MANSC1: variants seen among roughly 807,000 people sequenced by gnomAD.
The protein encoded by MANSC1 is MANSC domain-containing protein 1.
MANSC1 carries 13 observed loss-of-function variants against 14.1 expected under a neutral mutation model. The ratio of observed to expected loss-of-function variants is 0.92; its 90% CI spans 0.60 to 1.46. MANSC1 has a LOEUF of 1.46. MANSC1 is among the 40% of genes most tolerant of loss of function. The pLI is 0.00. For synonymous variants in MANSC1, 227 were observed against 200.7 expected (o/e 1.13, Z -1.11); for missense variants, 486 against 511.4 (o/e 0.95, Z 0.48).
In MANSC1 at chr12:12,332,741, A is replaced by G. The variant is rs528584318; in HGVS notation, c.365-1783T>C. ...TCACCATGTTGGCCAAGCTGGTTTC[A>G]AACTCCTGACCTCAGGTGATCCACC... On this transcript the variant is annotated intron_variant, in intron 3 of 3. Coordinates refer to ENST00000535902, the MANE Select transcript of MANSC1 (RefSeq NM_018050.4). Among the ~76,000 whole-genome samples, 27 of 152,226 alleles carry G rather than the reference A, an allele frequency of 1.8e-4. No homozygotes were observed. The Middle Eastern group carries it at 0.01, about 58-fold the overall frequency.
At chr12:12,347,840 C>G (rs867667753) in intron 1 of MANSC1, among the ~76,000 whole-genome samples, 3 of 152,152 alleles carry the variant, frequency 2.0e-5, no homozygotes, top group Non-Finnish European at 4.4e-5. Flanking sequence ...GGGCAGATCA[C>G]TTGAGGTCAG....
Position 12,327,533 on chromosome 12 carries a change from C to T in MANSC1, c.*2494G>A, listed in dbSNP as rs1862723590. 6.6e-6 allele frequency: 1 copy of T among 152,178 alleles called. No individual in the cohort carries two copies. Among genetic ancestry groups the T allele is most frequent in the South Asian group, 2.1e-4 (1 of 4,832 alleles). 9.4% of individuals were successfully genotyped at this position (152,178 alleles called of 1,614,324 possible). A position where few individuals can be genotyped will look rare whatever the true frequency, so the allele number is the denominator to read the frequency against. ...ACTGCAGCAAGGTGGACAGAGAACT[C>T]CAAGAGAGCCAGGAAAATACCTTTA... is the stretch of plus-strand genomic sequence containing the variant. On this transcript the variant is annotated 3_prime_UTR_variant, in exon 4 of 4. Transcript: ENST00000535902.
rs1862771268 is a variant in MANSC1 at position 12,330,508 on chromosome 12, G to A, written c.815C>T (p.Thr272Ile). 1 of 1,614,208 alleles carries A rather than the reference G, an allele frequency of 6.2e-7. No homozygotes were observed. Among genetic ancestry groups the A allele is most frequent in the Non-Finnish European group, 8.5e-7 (1 of 1,180,050 alleles). Residue 272 changes from threonine to isoleucine, a missense_variant, in exon 4 of 4, where the codon ACC (threonine) becomes ATC (isoleucine). Thr to Ile is a moderately conservative substitution (Grantham distance 89). Coordinates refer to ENST00000535902, the MANE Select transcript of MANSC1 (RefSeq NM_018050.4). The part of the protein sequence containing the change: ...PQLATTAPPV[T>I]TVTSQPPTTL... ...CGTGGGAGGCTGAGAAGTGACAGTG[G>A]TTACAGGTGGAGCTGTGGTGGCCAG...
At chr12:12,347,653 T>C (rs1040566944) in intron 1 of MANSC1, among the ~76,000 whole-genome samples, 3 of 152,240 alleles carry the variant, frequency 2.0e-5, no homozygotes, top group Admixed American at 2.0e-4. Context: ...AAAAGGTATC[T>C]AACATCATAT....
chr12:12,345,680 G>C (rs2135998431), intron 1 of MANSC1, among the ~76,000 whole-genome samples: 1 of 152,238 alleles, frequency 6.6e-6, no homozygotes, highest in East Asian at 1.9e-4. Context: ...TAAACATTTT[G>C]TTGAATACAA....
intron 3 of MANSC1, among the ~76,000 whole-genome samples, chr12:12,333,059 A>ATATATATATATATTT (rs536426090): frequency 4.6e-5 from 7 of 150,808 alleles, no homozygotes; most frequent in African/African-American, 1.7e-4. Context: ...ATATATATAT[A>ATATATATATATATTT]TTTTTGAGAC....
rs2135986231 is a variant in MANSC1 at position 12,329,323 on chromosome 12, T to G, written c.*704A>C. On this transcript the variant is annotated 3_prime_UTR_variant, in exon 4 of 4. Coordinates refer to ENST00000535902, the MANE Select transcript of MANSC1 (RefSeq NM_018050.4). ...GAAGGAACTACATCTGGAATAAGTT[T>G]TAAAGGAATCCATATAAAAAGAAAA... 6.6e-6 allele frequency: 1 copy of G among 152,272 alleles called. No individual in the cohort carries two copies. The highest frequency in any genetic ancestry group is 3.4e-3 in the Middle Eastern group (1 of 294). 9.4% of individuals were successfully genotyped at this position (152,272 alleles called of 1,614,324 possible).
chr12:12,334,503 T>C (rs1411517529), intron 3 of MANSC1, among the ~76,000 whole-genome samples: 1 of 152,184 alleles, frequency 6.6e-6, no homozygotes, highest in East Asian at 1.9e-4. Context: ...AACAGTCCTT[T>C]GCATACTATG....
intron 1 of MANSC1, among the ~76,000 whole-genome samples, chr12:12,344,189 T>C (rs1862974156): frequency 6.6e-6 from 1 of 152,164 alleles, no homozygotes; most frequent in Non-Finnish European, 1.5e-5. Context: ...TACCACTCTT[T>C]TGAATTGTTA....
In MANSC1 at chr12:12,329,634, C is replaced by CCT. The variant is rs1261777198; in HGVS notation, c.*392_*393insAG. On this transcript the variant is annotated 3_prime_UTR_variant, in exon 4 of 4. Transcript: ENST00000535902. ...GCTGTGGTGGCTCATGCCTGTAATC[C>CCT]CAGCACTTTGGGAGGCCGAGGAGGG... 1 of 159,710 alleles carries CCT rather than the reference C, an allele frequency of 6.3e-6. No homozygotes were observed. The highest frequency in any genetic ancestry group is 2.4e-5 in the African/African-American group (1 of 41,578). The allele number at this position is 159,710 out of a possible 1,614,324, so 9.9% of individuals were successfully genotyped here.
At chr12:12,331,042 T>C in intron 3 of MANSC1, 84 bp from the exon 4 acceptor site, 1 of 905,764 alleles carries the variant, frequency 1.1e-6, no homozygotes, top group Non-Finnish European at 1.7e-6. Flanking sequence ...ATCAGCTTGT[T>C]CAAAAGATCC....
chr12:12,336,332 TGATC>T (rs1486800622), intron 3 of MANSC1, among the ~76,000 whole-genome samples: 1 of 152,230 alleles, frequency 6.6e-6, no homozygotes, highest in African/African-American at 2.4e-5. Flanking sequence ...GGTCTTCCCC[TGATC>T]TCCTCACATC....
At position 12,330,216 on chromosome 12, in the gene MANSC1, C is replaced by T. The variant is rs767053330; in HGVS notation, c.1107G>A (p.Gln369=). ...GREASPGSSS[Q]GSVPENQYGL... ...CGTACTGATTTTCTGGAACACTGCC[C>T]TGGGAGGAACTGCCTGGACTGGCCT... The change falls in exon 4 of 4, where the codon CAG becomes CAA. Residue 369 remains glutamine (Q), a synonymous_variant. Coordinates refer to ENST00000535902, the MANE Select transcript of MANSC1 (RefSeq NM_018050.4). The T allele has an allele frequency of 1.2e-6, 2 of 1,614,180 alleles. No homozygotes were observed. The highest frequency in any genetic ancestry group is 2.2e-5 in the East Asian group (1 of 44,880).
At chr12:12,336,505 G>C (rs1862860773) in intron 3 of MANSC1, among the ~76,000 whole-genome samples, 1 of 151,980 alleles carries the variant, frequency 6.6e-6, no homozygotes. Context: ...TAAAACATAA[G>C]TTCCAGAAGG....
At chr12:12,348,299 A>T (rs1417041176) in intron 1 of MANSC1, 1 of 152,220 alleles carries the variant, frequency 6.6e-6, no homozygotes, top group Non-Finnish European at 1.5e-5. Context: ...AAAAACTAAA[A>T]GCAACCAAGA....
At chr12:12,330,989 T>C in intron 3 of MANSC1, 31 bp from the exon 4 acceptor site, 1 of 1,342,884 alleles carries the variant, frequency 7.4e-7, no homozygotes, top group Non-Finnish European at 1.0e-6. Flanking sequence ...AAAGGAAGGC[T>C]TATGTAACTC....
At chr12:12,346,479 A>G (rs1257556463) in intron 1 of MANSC1, among the ~76,000 whole-genome samples, 2 of 152,244 alleles carry the variant, frequency 1.3e-5, no homozygotes, top group Admixed American at 6.5e-5. Flanking sequence ...TAAAGCTACA[A>G]TAATCAAAAA....
rs764583241 is a variant in MANSC1, at chr12:12,350,192, G to T, written c.-215C>A. On this transcript the variant is annotated 5_prime_UTR_variant, in exon 1 of 4. Coordinates refer to ENST00000535902, the MANE Select transcript of MANSC1 (RefSeq NM_018050.4). Reference sequence around the variant, plus strand: ...CGGGGGTCTCGGCGAGGACCGCAGCGGATGCTCCGCAGCTCCCGCACCGGC... The same window carrying T: ...CGGGGGTCTCGGCGAGGACCGCAGCTGATGCTCCGCAGCTCCCGCACCGGC... 6.6e-6 allele frequency: 1 copy of T among 152,220 alleles called. No homozygotes were observed. The highest frequency in any genetic ancestry group is 1.5e-5 in the Non-Finnish European group (1 of 68,048). 9.4% of individuals were successfully genotyped at this position (152,220 alleles called of 1,614,324 possible).
In MANSC1 at chr12:12,350,177, G is replaced by A. The variant is rs1044074772; in HGVS notation, c.-200C>T. 3 of 152,234 alleles carry A rather than the reference G, an allele frequency of 2.0e-5. No homozygotes were observed. The highest frequency in any genetic ancestry group is 4.4e-5 in the Non-Finnish European group (3 of 68,064). 9.4% of individuals were successfully genotyped at this position (152,234 alleles called of 1,614,324 possible). On this transcript the variant is annotated 5_prime_UTR_variant, in exon 1 of 4. Coordinates refer to ENST00000535902, the MANE Select transcript of MANSC1 (RefSeq NM_018050.4). Reference sequence around the variant, plus strand: ...ACCGGCGAATCCGCGCGGGGGTCTCGGCGAGGACCGCAGCGGATGCTCCGC... The same window carrying A: ...ACCGGCGAATCCGCGCGGGGGTCTCAGCGAGGACCGCAGCGGATGCTCCGC...
Sources: allele counts gnomAD v4.1 joint callset (sites outside exome capture counted in the v4.1 genomes callset), GRCh38; gene constraint gnomAD v4.1.1; transcripts MANE v1.5; gene names NCBI Gene and HGNC (gene_info 2026-07-23, HGNC 2026-07-21).